The following CDH13 variants were observed in gnomAD, a reference collection of about 807,000 sequenced individuals.
CDH13 encodes the protein cadherin-13.
A neutral mutation model predicts 63.8 loss-of-function variants in CDH13; 24 were observed. That is an observed-to-expected ratio of 0.38 (90% CI 0.27 to 0.53). The LOEUF is 0.53. Ranked by LOEUF, CDH13 falls within the 20% of genes least tolerant of loss-of-function variation. The probability of loss-of-function intolerance (pLI) is 0.85; values close to 1 mark genes in which losing one functional copy is unlikely to be tolerated. For synonymous variants in CDH13, 503 were observed against 355.3 expected, an observed-to-expected ratio of 1.42 and a Z score of -4.67; for missense variants, 1,049 against 903.1, an observed-to-expected ratio of 1.16 and a Z score of -2.07.
chr16:83,511,238 G>T (rs568581813), intron 7 of CDH13, among the ~76,000 whole-genome samples: 1 of 152,216 alleles, frequency 6.6e-6, no homozygotes, highest in African/African-American at 2.4e-5. Flanking sequence ...TACAAGGGCA[G>T]ATCAACTGAA....
intron 5 of CDH13, among the ~76,000 whole-genome samples, chr16:83,343,902 C>G (rs762338691): frequency 1.9e-4 from 29 of 152,162 alleles, no homozygotes; most frequent in African/African-American, 6.3e-4. Flanking sequence ...TAGTATAGAG[C>G]TAAAGTAAGC....
chr16:83,150,216 A>G (rs746494741), intron 4 of CDH13, among the ~76,000 whole-genome samples: 1 of 152,184 alleles, frequency 6.6e-6, no homozygotes, highest in Non-Finnish European at 1.5e-5. Flanking sequence ...TCCAATCTCC[A>G]TCCACCAATG....
chr16:82,788,922 T>G (rs539673794), intron 1 of CDH13, among the ~76,000 whole-genome samples: 27 of 152,308 alleles, frequency 1.8e-4, no homozygotes, highest in African/African-American at 6.0e-4. Flanking sequence ...TAAAAGAAAC[T>G]GAGCAGGACT....
intron 5 of CDH13, among the ~76,000 whole-genome samples, chr16:83,219,662 G>T (rs952814416): frequency 2.6e-5 from 4 of 152,196 alleles, no homozygotes; most frequent in African/African-American, 9.6e-5. Context: ...CTCATGTCCA[G>T]CACAAACTTT....
intron 1 of CDH13, among the ~76,000 whole-genome samples, chr16:82,797,978 C>T (rs1008923154): frequency 3.3e-5 from 5 of 152,078 alleles, no homozygotes; most frequent in African/African-American, 7.2e-5. Context: ...CCTGTCACCA[C>T]GATGGATCCA....
At chr16:83,794,212 A>G (rs1916455319) in intron 13 of CDH13, among the ~76,000 whole-genome samples, 2 of 152,194 alleles carry the variant, frequency 1.3e-5, no homozygotes, top group African/African-American at 4.8e-5. Flanking sequence ...TGTTGTTTGC[A>G]CTTTATGGCC....
At chr16:83,712,595 T>C (rs1378969967) in intron 10 of CDH13, among the ~76,000 whole-genome samples, 1 of 152,230 alleles carries the variant, frequency 6.6e-6, no homozygotes, top group African/African-American at 2.4e-5. Flanking sequence ...GTGCTGTACC[T>C]GTACAAGCCA....
At chr16:83,007,938 T>C (rs1391828450) in intron 2 of CDH13, among the ~76,000 whole-genome samples, 1 of 152,216 alleles carries the variant, frequency 6.6e-6, no homozygotes, top group East Asian at 1.9e-4. Flanking sequence ...AGTCAGGTTA[T>C]ATTTGTCCTT....
intron 1 of CDH13, among the ~76,000 whole-genome samples, chr16:82,653,864 A>C (rs143146452): frequency 1.3e-5 from 2 of 152,286 alleles, no homozygotes; most frequent in Non-Finnish European, 2.9e-5. Context: ...AGAAGACTGA[A>C]GACCACATTC....
At chr16:83,516,526 A>T (rs896613313) in intron 7 of CDH13, among the ~76,000 whole-genome samples, 12 of 152,224 alleles carry the variant, frequency 7.9e-5, no homozygotes, top group Admixed American at 7.9e-4. Flanking sequence ...TCTCTACAGT[A>T]TGACTTATAG....
rs763794284 is a variant in CDH13 at position 83,345,013 on chromosome 16, C to T, written c.781+7C>T. On this transcript the variant is annotated splice_region_variant and intron_variant, in intron 6 of 13. Transcript: ENST00000567109. ...ATGGAAGGGTCACCCACAGGTATGT[C>T]ACATTGGCTTACCTTTAGCGTAATG... The T allele has an allele frequency of 7.4e-6, 12 of 1,613,326 alleles. No individual in the cohort carries two copies. Among genetic ancestry groups the T allele is most frequent in the Admixed American group, 1.7e-5 (1 of 59,986 alleles).
At chr16:83,584,656 T>G (rs1905971422) in intron 7 of CDH13, among the ~76,000 whole-genome samples, 1 of 152,162 alleles carries the variant, frequency 6.6e-6, no homozygotes, top group Admixed American at 6.5e-5. Flanking sequence ...TCCAGGAGCT[T>G]CTGTAGGATG....
intron 1 of CDH13, among the ~76,000 whole-genome samples, chr16:82,705,637 C>T (rs139063086): frequency 1.3e-5 from 2 of 152,194 alleles, no homozygotes; most frequent in East Asian, 1.9e-4. Context: ...TCACCACACA[C>T]GCCTGCTTCT....
At chr16:83,689,768 G>C (rs1291140122) in intron 10 of CDH13, among the ~76,000 whole-genome samples, 1 of 152,204 alleles carries the variant, frequency 6.6e-6, no homozygotes, top group South Asian at 2.1e-4. Context: ...GTGAAAGGAG[G>C]ACCTGGGGAT....
intron 5 of CDH13, among the ~76,000 whole-genome samples, chr16:83,260,647 A>G (rs1387410530): frequency 1.3e-5 from 2 of 152,144 alleles, no homozygotes; most frequent in Non-Finnish European, 2.9e-5. Context: ...TAGGCCATAC[A>G]CTGAACAGCA....
chr16:83,683,510 C>A (rs1400833830), intron 10 of CDH13, among the ~76,000 whole-genome samples: 1 of 152,142 alleles, frequency 6.6e-6, no homozygotes, highest in Non-Finnish European at 1.5e-5. Context: ...TTTTATTTCC[C>A]AGTATACGCT....
At chr16:82,885,695 G>C (rs1283192471) in intron 2 of CDH13, among the ~76,000 whole-genome samples, 1 of 152,052 alleles carries the variant, frequency 6.6e-6, no homozygotes, top group Non-Finnish European at 1.5e-5. Flanking sequence ...GTAGTGCATT[G>C]GTTACAAGCA....
chr16:83,286,932 C>G (rs1367816687), intron 5 of CDH13, among the ~76,000 whole-genome samples: 1 of 151,948 alleles, frequency 6.6e-6, no homozygotes, highest in African/African-American at 2.4e-5. Flanking sequence ...CTACTTGTCC[C>G]CCTGCCATGC....
At chr16:83,179,181 A>G (rs2038246649) in intron 4 of CDH13, among the ~76,000 whole-genome samples, 1 of 152,136 alleles carries the variant, frequency 6.6e-6, no homozygotes, top group Non-Finnish European at 1.5e-5. Context: ...ATTCCAGGAA[A>G]TACAGGAAAG....
Sources: gnomAD v4.1 joint callset for allele counts (sites outside exome capture counted in the v4.1 genomes callset) on GRCh38, gnomAD v4.1.1 for gene constraint, MANE v1.5 for transcripts, NCBI Gene and HGNC (gene_info 2026-07-23, HGNC 2026-07-21) for gene names.